ARHGEF7: variants seen among roughly 807,000 people sequenced by gnomAD.
The protein encoded by ARHGEF7 is Rho guanine nucleotide exchange factor 7, also known as PAK-interacting exchange factor beta.
A neutral mutation model predicts 109.8 loss-of-function variants in ARHGEF7; 33 were observed. The observed-to-expected ratio is 0.30, with a 90% CI of 0.23 to 0.40. The LOEUF (loss-of-function observed/expected upper bound fraction) is 0.40. Among genes scored for constraint, ARHGEF7 ranks in the 10% least tolerant of loss-of-function variants. The pLI, the probability that ARHGEF7 is intolerant of heterozygous loss-of-function variation, is 1.00. For synonymous variants in ARHGEF7, 458 were observed against 424.6 expected (o/e 1.08, Z -0.97); for missense variants, 938 against 1,098.5 (o/e 0.85, Z 2.07).
chr13:111,128,499 GCAAACAAA>G (rs60774287), intron 1 of ARHGEF7, among the ~76,000 whole-genome samples: 1,651 of 151,872 alleles, frequency 0.011, 29 homozygotes, highest in African/African-American at 0.038. Context: ...TCTCAAACAA[GCAAACAAA>G]CAAACAAACA....
At chr13:111,247,743 C>T (rs1304327485) in intron 8 of ARHGEF7, among the ~76,000 whole-genome samples, 1 of 152,162 alleles carries the variant, frequency 6.6e-6, no homozygotes, top group Non-Finnish European at 1.5e-5. Context: ...TTCACTGGCA[C>T]GTGCTGTACT....
chr13:111,147,052 C>T (rs2075629464), intron 1 of ARHGEF7, among the ~76,000 whole-genome samples: 1 of 152,130 alleles, frequency 6.6e-6, no homozygotes, highest in South Asian at 2.1e-4. Context: ...TTGTTGGTCA[C>T]TTGAGGCCTG....
intron 2 of ARHGEF7, among the ~76,000 whole-genome samples, chr13:111,154,982 A>C (rs2076196915): frequency 6.6e-6 from 1 of 152,172 alleles, no homozygotes; most frequent in African/African-American, 2.4e-5. Flanking sequence ...TTGGATTGGA[A>C]ATACTGGAGG....
intron 19 of ARHGEF7, chr13:111,294,056 T>A: frequency 3.0e-6 from 3 of 985,452 alleles, no homozygotes; most frequent in Non-Finnish European, 3.6e-6. Flanking sequence ...GAAGATTTTG[T>A]ATTTTCATAC....
intron 5 of ARHGEF7, among the ~76,000 whole-genome samples, chr13:111,224,376 A>T (rs1031689690): frequency 2.0e-5 from 3 of 152,212 alleles, no homozygotes; most frequent in African/African-American, 7.2e-5. Context: ...CAGCTGTGAG[A>T]ACACACCTCG....
At chr13:111,146,998 C>T (rs1368338287) in intron 1 of ARHGEF7, among the ~76,000 whole-genome samples, 4 of 152,174 alleles carry the variant, frequency 2.6e-5, no homozygotes, top group African/African-American at 7.2e-5. Flanking sequence ...TTTATTACCA[C>T]GGAGAATTTG....
At chr13:111,281,147 A>C (rs1195113209) in intron 15 of ARHGEF7, 2 of 147,516 alleles carry the variant, frequency 1.4e-5, no homozygotes, top group Non-Finnish European at 3.0e-5. Context: ...TCTTTTACTT[A>C]GAAAAGCTCA....
chr13:111,130,640 G>A (rs796094203), intron 1 of ARHGEF7, among the ~76,000 whole-genome samples: 8 of 152,292 alleles, frequency 5.3e-5, no homozygotes, highest in African/African-American at 1.7e-4. Context: ...AAATAGACTC[G>A]CATACTATTT....
intron 5 of ARHGEF7, among the ~76,000 whole-genome samples, chr13:111,223,041 C>T (rs1355783549): frequency 6.6e-6 from 1 of 152,118 alleles, no homozygotes; most frequent in African/African-American, 2.4e-5. Context: ...TACCTAATTT[C>T]CAGATTAAAC....
intron 5 of ARHGEF7, among the ~76,000 whole-genome samples, chr13:111,231,483 AACTTG>A (rs2153523610): frequency 6.6e-6 from 1 of 152,292 alleles, no homozygotes; most frequent in East Asian, 1.9e-4. Flanking sequence ...AAGATTTAGA[AACTTG>A]ACAGTGAGGC....
intron 1 of ARHGEF7, among the ~76,000 whole-genome samples, chr13:111,120,154 C>G (rs2067084806): frequency 6.6e-6 from 1 of 152,228 alleles, no homozygotes; most frequent in South Asian, 2.1e-4. Context: ...AGTCCTGTCT[C>G]AACCCTGAAC....
chr13:111,227,821 T>G (rs2153517713), intron 5 of ARHGEF7, among the ~76,000 whole-genome samples: 1 of 152,370 alleles, frequency 6.6e-6, no homozygotes, highest in East Asian at 1.9e-4. Flanking sequence ...GGCAGATACC[T>G]CCTGATGCCC....
intron 1 of ARHGEF7, among the ~76,000 whole-genome samples, chr13:111,150,813 G>T (rs1330881508): frequency 6.6e-6 from 1 of 152,182 alleles, no homozygotes; most frequent in Non-Finnish European, 1.5e-5. Flanking sequence ...GGCATGAAAA[G>T]AACTTCTTTG....
At chr13:111,138,167 G>A (rs536075685) in intron 1 of ARHGEF7, among the ~76,000 whole-genome samples, 3 of 152,114 alleles carry the variant, frequency 2.0e-5, no homozygotes, top group Non-Finnish European at 2.9e-5. Context: ...TACAAAATTA[G>A]CCTGGTGTGG....
chr13:111,269,534 A>T (rs1009497326), intron 9 of ARHGEF7, among the ~76,000 whole-genome samples: 1 of 152,194 alleles, frequency 6.6e-6, no homozygotes, highest in African/African-American at 2.4e-5. Flanking sequence ...TAACTAGAAG[A>T]AAGAATACAG....
chr13:111,283,226 C>T lies in ARHGEF7; in HGVS notation c.1813C>T (p.Pro605Ser). The change falls in exon 16 of 22, where the codon CCC (proline) becomes TCC (serine). Residue 605 changes from proline to serine, a missense_variant. By Grantham distance (74) the Pro-to-Ser change is moderately conservative. Coordinates refer to ENST00000646102, the MANE Select transcript of ARHGEF7 (RefSeq NM_001354046.2). ...LTPAYHTLPH[P>S]SHHGTPHTTI... ...GCCCGCCTACCACACGCTGCCCCAC[C>T]CCTCCCACCACGGCACCCCGCACAC... 1 of 1,593,682 alleles carries T rather than the reference C, an allele frequency of 6.3e-7. No individual in the cohort carries two copies. Among genetic ancestry groups the T allele is most frequent in the Non-Finnish European group, 8.5e-7 (1 of 1,171,956 alleles).
At position 111,258,400 on chromosome 13, in the gene ARHGEF7, G is replaced by A. The variant is rs2153570565; in HGVS notation, c.951-9148G>A. On this transcript the variant is annotated intron_variant, in intron 8 of 21. Transcript: ENST00000646102. The surrounding 1 kb of genome is among the most constrained non-coding windows in gnomAD (Gnocchi z 4.4). ...GAAAGACGGCTTTGTCTTGCAGCTTGGATACCAGCTCAGCCACAGCAGGAT... is the reference window on the plus strand; with the variant it reads ...GAAAGACGGCTTTGTCTTGCAGCTTAGATACCAGCTCAGCCACAGCAGGAT... 6.6e-6 allele frequency among the ~76,000 whole-genome samples: 1 copy of A among 152,350 alleles called. No individual in the cohort carries two copies. The highest frequency in any genetic ancestry group is 1.5e-5 in the Non-Finnish European group (1 of 68,036).
chr13:111,139,593 T>TGC (rs1361403369), intron 1 of ARHGEF7, among the ~76,000 whole-genome samples: 130 of 149,358 alleles, frequency 8.7e-4, no homozygotes, highest in African/African-American at 2.3e-3. Flanking sequence ...GGCGGGTGCC[T>TGC]GTGTGGAGCA....
intron 3 of ARHGEF7, 24 bp downstream of exon 3, chr13:111,205,397 C>G (rs757642300): frequency 6.6e-7 from 1 of 1,524,926 alleles, no homozygotes; most frequent in Admixed American, 2.1e-5. Flanking sequence ...TTATTGAACT[C>G]GAGGGGGTGG....
Sources: allele counts gnomAD v4.1 joint callset (sites outside exome capture counted in the v4.1 genomes callset), GRCh38; gene constraint gnomAD v4.1.1; non-coding constraint Gnocchi (gnomAD v3.1); transcripts MANE v1.5; gene names NCBI Gene and HGNC (gene_info 2026-07-23, HGNC 2026-07-21).